CCDC7: variants seen among roughly 807,000 people sequenced by gnomAD.
CCDC7 encodes the protein coiled-coil domain containing 7, also known as coiled-coil domain-containing protein 7.
Under a neutral mutation model 196.9 loss-of-function variants are expected in CCDC7, and 183 were observed. The ratio of observed to expected loss-of-function variants is 0.93; its 90% confidence interval spans 0.82 to 1.05. The LOEUF is 1.05. Among genes scored for constraint, CCDC7 ranks in the 50% least tolerant of loss-of-function variants. The pLI is 0.00. For missense variants in CCDC7, 1,540 were observed against 1,482.2 expected, an observed-to-expected ratio of 1.04 and a Z score of -0.64; for synonymous variants, 525 against 484.6, an observed-to-expected ratio of 1.08 and a Z score of -1.10.
intron 28 of CCDC7, among the ~76,000 whole-genome samples, chr10:32,773,841 G>A (rs1448476256): frequency 6.6e-6 from 1 of 151,730 alleles, no homozygotes; most frequent in African/African-American, 2.4e-5. Context: ...TTAATTACTG[G>A]TCTGCTCTTG....
intron 21 of CCDC7, among the ~76,000 whole-genome samples, chr10:32,680,067 A>C (rs73259455): frequency 0.018 from 2,668 of 152,208 alleles, 83 homozygotes; most frequent in African/African-American, 0.061. Context: ...TATTGATCCA[A>C]GGCCCTACAC....
chr10:32,466,248 TTC>T (rs72202683), intron 5 of CCDC7, among the ~76,000 whole-genome samples: 62,196 of 128,942 alleles, frequency 0.48, 13,589 homozygotes, highest in Non-Finnish European at 0.58. Context: ...CAAGGAGTGT[TTC>T]TCTCTCTTTT....
intron 29 of CCDC7, among the ~76,000 whole-genome samples, chr10:32,798,135 A>C (rs905362352): frequency 6.6e-6 from 1 of 152,218 alleles, no homozygotes; most frequent in African/African-American, 2.4e-5. Flanking sequence ...AGGCAAACGC[A>C]TAACTGGAGT....
intron 26 of CCDC7, among the ~76,000 whole-genome samples, chr10:32,727,527 G>T (rs189149558): frequency 1.4e-3 from 217 of 152,056 alleles, no homozygotes; most frequent in Admixed American, 3.4e-3. Context: ...TTAATCATAG[G>T]GTCTTCAATG....
At chr10:32,551,732 C>T (rs112143354) in intron 13 of CCDC7, among the ~76,000 whole-genome samples, 24 of 152,030 alleles carry the variant, frequency 1.6e-4, no homozygotes, top group African/African-American at 5.8e-4. Context: ...GAGTTGATAT[C>T]CAATTTTATT....
rs1171333710 is a variant in CCDC7, at chr10:32,670,227, G to A, written c.2122+6066G>A. 3.3e-5 allele frequency among the ~76,000 whole-genome samples: 5 copies of A among 151,968 alleles called. No individual in the cohort carries two copies. In the South Asian group the frequency reaches 1.0e-3, roughly 32 times the overall value. On this transcript the variant is annotated intron_variant, in intron 21 of 41. Coordinates refer to ENST00000639629, the Ensembl canonical transcript of CCDC7. ...TTATATGTTTTAATAGTCCTTGTCT[G>A]TTGAGGCTGTGTCTTAATGAATACA...
chr10:32,771,606 G>T (rs1002333108), intron 28 of CCDC7, among the ~76,000 whole-genome samples: 7 of 152,168 alleles, frequency 4.6e-5, no homozygotes, highest in Non-Finnish European at 8.8e-5. Flanking sequence ...CTGCTGATGG[G>T]GCATGTCTGC....
intron 25 of CCDC7, among the ~76,000 whole-genome samples, chr10:32,721,624 T>G (rs2082426694): frequency 6.6e-6 from 1 of 152,122 alleles, no homozygotes; most frequent in Non-Finnish European, 1.5e-5. Flanking sequence ...TTTGTTGGGA[T>G]AGAGTGGGCC....
chr10:32,697,891 C>T (rs2077990233), intron 24 of CCDC7, among the ~76,000 whole-genome samples: 1 of 152,166 alleles, frequency 6.6e-6, no homozygotes, highest in Non-Finnish European at 1.5e-5. Flanking sequence ...TCCCTGACCC[C>T]CCAGTAGGCT....
intron 18 of CCDC7, among the ~76,000 whole-genome samples, chr10:32,608,674 G>A (rs528660527): frequency 6.0e-4 from 92 of 152,198 alleles, no homozygotes; most frequent in Non-Finnish European, 9.0e-4. Flanking sequence ...CTGAATAGCC[G>A]GGACTACAGG....
chr10:32,709,536 A>G (rs1289445820), intron 24 of CCDC7, among the ~76,000 whole-genome samples: 2 of 152,208 alleles, frequency 1.3e-5, no homozygotes, highest in Non-Finnish European at 2.9e-5. Context: ...TGTGCAGTTT[A>G]CAATAGGGTT....
intron 20 of CCDC7, among the ~76,000 whole-genome samples, chr10:32,638,952 G>T (rs1227882909): frequency 6.6e-6 from 1 of 152,130 alleles, no homozygotes; most frequent in African/African-American, 2.4e-5. Context: ...TCCTGGTTTA[G>T]TTTTGGGAGG....
At chr10:32,712,915 G>T (rs2081051768) in intron 25 of CCDC7, among the ~76,000 whole-genome samples, 1 of 152,156 alleles carries the variant, frequency 6.6e-6, no homozygotes, top group African/African-American at 2.4e-5. Flanking sequence ...ATAGTGTACA[G>T]ATAGTTGGGT....
intron 9 of CCDC7, among the ~76,000 whole-genome samples, chr10:32,501,106 T>G (rs761216684): frequency 1.3e-5 from 2 of 152,130 alleles, no homozygotes; most frequent in Non-Finnish European, 2.9e-5. Flanking sequence ...TAATCTTGTC[T>G]TCTTGCTTTA....
chr10:32,779,426 T>C (rs1308309605), intron 29 of CCDC7, among the ~76,000 whole-genome samples: 1 of 152,214 alleles, frequency 6.6e-6, no homozygotes, highest in African/African-American at 2.4e-5. Flanking sequence ...TCTTATACCA[T>C]CTTTTGTATA....
At chr10:32,450,921 T>A (rs1323819648), upstream of CCDC7, among the ~76,000 whole-genome samples, 1 of 152,198 alleles carries the variant, frequency 6.6e-6, no homozygotes, top group African/African-American at 2.4e-5. Context: ...TTTAGGGGTT[T>A]CTTAAGTTAA....
intron 2 of CCDC7, among the ~76,000 whole-genome samples, chr10:32,455,119 ATG>A (rs1362182863): frequency 6.6e-6 from 1 of 152,078 alleles, no homozygotes; most frequent in Admixed American, 6.6e-5. Context: ...TGGCACCTGA[ATG>A]TGGGTGGAAG....
At chr10:32,776,100 G>T (rs562458163) in intron 28 of CCDC7, among the ~76,000 whole-genome samples, 1 of 147,892 alleles carries the variant, frequency 6.8e-6, no homozygotes, top group South Asian at 2.3e-4. Flanking sequence ...ATGGACACAG[G>T]AAGGGGAATA....
At chr10:32,784,496 C>A (rs548398565) in intron 29 of CCDC7, among the ~76,000 whole-genome samples, 2 of 152,262 alleles carry the variant, frequency 1.3e-5, no homozygotes, top group South Asian at 2.1e-4. Flanking sequence ...TCTGTTCCTG[C>A]GTTAGTTTGG....
Sources: allele counts gnomAD v4.1 joint callset (sites outside exome capture counted in the v4.1 genomes callset), GRCh38; gene constraint gnomAD v4.1.1; transcripts MANE v1.5; gene names NCBI Gene and HGNC (gene_info 2026-07-23, HGNC 2026-07-21).